PRKG1: variants seen among roughly 807,000 people sequenced by gnomAD.
PRKG1 encodes the protein cGMP-dependent protein kinase 1.
Under a neutral mutation model 88.1 loss-of-function variants are expected in PRKG1, and 35 were observed. That is an observed-to-expected ratio of 0.40 (90% CI 0.30 to 0.53). The LOEUF is 0.53. Among genes scored for constraint, PRKG1 ranks in the 20% least tolerant of loss-of-function variants. The pLI is 0.59. For synonymous variants in PRKG1, 303 were observed against 292.5 expected (o/e 1.04, Z -0.37); for missense variants, 540 against 839.8 (o/e 0.64, Z 4.41).
At chr10:51,770,144 G>A (rs542961690) in intron 3 of PRKG1, among the ~76,000 whole-genome samples, 5 of 152,150 alleles carry the variant, frequency 3.3e-5, no homozygotes, top group East Asian at 1.9e-4. Context: ...GATATTATGC[G>A]TCCTCTAAGG....
At chr10:52,206,646 C>T (rs111415114) in intron 9 of PRKG1, among the ~76,000 whole-genome samples, 2 of 152,146 alleles carry the variant, frequency 1.3e-5, no homozygotes, top group African/African-American at 4.8e-5. Context: ...AAGATGGTTT[C>T]AGTTGACTGG....
At chr10:51,309,222 A>G (rs1017807959) in intron 2 of PRKG1, among the ~76,000 whole-genome samples, 2 of 152,146 alleles carry the variant, frequency 1.3e-5, no homozygotes, top group Admixed American at 6.6e-5. Context: ...TATCTTAGTA[A>G]CCAACACAAG....
intron 4 of PRKG1, among the ~76,000 whole-genome samples, chr10:51,860,274 T>C (rs1295130977): frequency 3.9e-5 from 6 of 152,208 alleles, no homozygotes; most frequent in South Asian, 2.1e-4. Flanking sequence ...TATTTGTCGC[T>C]CATACCTATG....
At chr10:52,210,872 G>A (rs1176819211) in intron 9 of PRKG1, among the ~76,000 whole-genome samples, 1 of 152,158 alleles carries the variant, frequency 6.6e-6, no homozygotes, top group African/African-American at 2.4e-5. Flanking sequence ...TGCATAAGCT[G>A]TCATTTAAAA....
intron 5 of PRKG1, among the ~76,000 whole-genome samples, chr10:51,914,883 T>G (rs1347878420): frequency 6.6e-6 from 1 of 152,128 alleles, no homozygotes; most frequent in African/African-American, 2.4e-5. Context: ...AAATTATTAA[T>G]TGGAACATTA....
chr10:52,038,200 G>A (rs537130618), intron 5 of PRKG1, among the ~76,000 whole-genome samples: 1 of 152,152 alleles, frequency 6.6e-6, no homozygotes, highest in South Asian at 2.1e-4. Context: ...GAGAACACAG[G>A]CCAAGGGAGT....
Position 51,661,612 on chromosome 10 carries a change from C to T in PRKG1, c.593-142973C>T, listed in dbSNP as rs576084941. 7.4e-4 allele frequency among the ~76,000 whole-genome samples: 113 copies of T among 152,250 alleles called. 2 individuals carry two copies. In the South Asian group the frequency reaches 0.021, roughly 28 times the overall value. ...TGGAAAGGATGTGGAGAAATAGGAA[C>T]GCTTTTTCACTGTTGGTGGGAGTCT... On this transcript the variant is annotated intron_variant, in intron 3 of 17. Transcript: ENST00000373980.
chr10:51,125,786 A>G lies in PRKG1; in HGVS notation c.312-27378A>G, dbSNP rs1467718881. 2.1e-5 allele frequency among the ~76,000 whole-genome samples: 3 copies of G among 144,650 alleles called. No individual in the cohort carries two copies. In the East Asian group the frequency reaches 6.0e-4, roughly 29 times the overall value. The allele number at this position is 144,650 out of a possible 152,430, so 94.9% of individuals were successfully genotyped here. A position where few individuals can be genotyped will look rare whatever the true frequency, so the allele number is the denominator to read the frequency against. ...TTATATATTTTTAATTTAATTATATAAATATATAAATTATATAAATTTATT... is the reference window on the plus strand; with the variant it reads ...TTATATATTTTTAATTTAATTATATGAATATATAAATTATATAAATTTATT... On this transcript the variant is annotated intron_variant, in intron 1 of 17. Coordinates refer to ENST00000373980, the MANE Select transcript of PRKG1 (RefSeq NM_006258.4).
At chr10:51,137,919 G>A (rs1263283304) in intron 1 of PRKG1, among the ~76,000 whole-genome samples, 1 of 152,192 alleles carries the variant, frequency 6.6e-6, no homozygotes. Context: ...ATTAAATGTT[G>A]TGGGAAGAAA....
Position 51,306,304 on chromosome 10 carries a change from C to T in PRKG1, c.478+152974C>T, listed in dbSNP as rs76768607. 4.8e-3 allele frequency among the ~76,000 whole-genome samples: 735 copies of T among 152,114 alleles called. 2 individuals carry two copies. The highest frequency in any genetic ancestry group is 9.5e-3 in the African/African-American group (393 of 41,506). On this transcript the variant is annotated intron_variant, in intron 2 of 17. Transcript: ENST00000373980. Reference sequence around the variant, plus strand: ...CTTTTTGAAATTTTGGTTTCACAGGCGAGAATGACAAGTTGCATATCAGAA... The same window carrying T: ...CTTTTTGAAATTTTGGTTTCACAGGTGAGAATGACAAGTTGCATATCAGAA...
chr10:51,193,315 A>T (rs550500903), intron 2 of PRKG1, among the ~76,000 whole-genome samples: 16 of 152,078 alleles, frequency 1.1e-4, no homozygotes, highest in African/African-American at 3.4e-4. Context: ...GAATATGCAG[A>T]TTTCTGTGTC....
intron 1 of PRKG1, among the ~76,000 whole-genome samples, chr10:51,136,545 G>A (rs1185410033): frequency 7.1e-6 from 1 of 139,980 alleles, no homozygotes; most frequent in Non-Finnish European, 1.5e-5. Context: ...AAGAGACTGA[G>A]AGGAAATAAT....
chr10:51,857,629 C>T (rs933066713), intron 4 of PRKG1, among the ~76,000 whole-genome samples: 32 of 152,034 alleles, frequency 2.1e-4, no homozygotes, highest in African/African-American at 7.5e-4. Context: ...GCTTTGTTTG[C>T]GTGTTATTTT....
intron 3 of PRKG1, among the ~76,000 whole-genome samples, chr10:51,598,595 C>T (rs1368979558): frequency 1.3e-5 from 2 of 152,102 alleles, no homozygotes; most frequent in Non-Finnish European, 2.9e-5. Context: ...ATTAGTCACT[C>T]GATAGAAGTT....
At chr10:51,447,716 A>T in intron 2 of PRKG1, among the ~76,000 whole-genome samples, 1 of 151,990 alleles carries the variant, frequency 6.6e-6, no homozygotes, top group Admixed American at 6.6e-5. Context: ...ATAATAATGC[A>T]CAGGGCTTGA....
In PRKG1 at chr10:51,431,839, TGTTA is replaced by T. The variant is rs766066934; in HGVS notation, c.479-35880_479-35877del. 3.8e-4 allele frequency among the ~76,000 whole-genome samples: 58 copies of T among 152,188 alleles called. 2 individuals carry two copies. The highest frequency in any genetic ancestry group is 2.1e-4 in the South Asian group (1 of 4,830). On this transcript the variant is annotated intron_variant, in intron 2 of 17. Coordinates refer to ENST00000373980, the MANE Select transcript of PRKG1 (RefSeq NM_006258.4). ...TTAGTATATTTTAATAACAATAATT[TGTTA>T]GTTTGTTTCTCTTTTTTTCTGGAAG... is the stretch of plus-strand genomic sequence containing the variant.
Position 51,835,544 on chromosome 10 carries a change from A to G in PRKG1, c.698+30854A>G, listed in dbSNP as rs530716894. 3.3e-5 allele frequency among the ~76,000 whole-genome samples: 5 copies of G among 152,356 alleles called. No individual in the cohort carries two copies. In the East Asian group the frequency reaches 9.6e-4, roughly 29 times the overall value. On this transcript the variant is annotated intron_variant, in intron 4 of 17. Coordinates refer to ENST00000373980, the MANE Select transcript of PRKG1 (RefSeq NM_006258.4). ...GTTTGCTGAATGGTTGAATAAAGTA[A>G]TCCAGAATGAAAATATCATTTCCCC...
intron 2 of PRKG1, among the ~76,000 whole-genome samples, chr10:51,160,686 T>G (rs750589349): frequency 1.4e-4 from 21 of 152,246 alleles, no homozygotes; most frequent in Non-Finnish European, 2.8e-4. Context: ...TGAATGAGGT[T>G]GTGACTATTT....
At chr10:51,067,267 T>G (rs998061600) in intron 1 of PRKG1, among the ~76,000 whole-genome samples, 8 of 76,830 alleles carry the variant, frequency 1.0e-4, no homozygotes, top group African/African-American at 5.5e-4. Context: ...TGTATGTATG[T>G]GTGTATATAT....
Sources: allele counts gnomAD v4.1 joint callset (sites outside exome capture counted in the v4.1 genomes callset), GRCh38; gene constraint gnomAD v4.1.1; transcripts MANE v1.5; gene names NCBI Gene and HGNC (gene_info 2026-07-23, HGNC 2026-07-21).